The following HYAL4 variants were observed in gnomAD, a reference collection of about 807,000 sequenced individuals.
The protein encoded by HYAL4 is hyaluronidase 4.
A neutral mutation model predicts 35.2 loss-of-function variants in HYAL4; 37 were observed. The ratio of observed to expected loss-of-function variants is 1.05; its 90% CI spans 0.81 to 1.38. The LOEUF (loss-of-function observed/expected upper bound fraction) is 1.38, where lower values mean the gene tolerates loss of function less well. Ranked by LOEUF, HYAL4 falls within the 40% of genes most tolerant of loss-of-function variation. The pLI, the probability that HYAL4 is intolerant of heterozygous loss-of-function variation, is 0.00. For synonymous variants in HYAL4, 198 were observed against 203.2 expected (o/e 0.97, Z 0.22); for missense variants, 572 against 572.4 (o/e 1.00, Z 0.01).
In HYAL4 at chr7:123,845,336, G is replaced by GTAGC. The variant is rs1806153694; in HGVS notation, c.-469_-466dup. The GTAGC allele has an allele frequency of 6.7e-6, 1 of 149,706 alleles. No homozygotes were observed. Among genetic ancestry groups the GTAGC allele is most frequent in the Admixed American group, 6.7e-5 (1 of 14,858 alleles). 9.3% of individuals were successfully genotyped at this position (149,706 alleles called of 1,614,324 possible). A position where few individuals can be genotyped will look rare whatever the true frequency, so the allele number is the denominator to read the frequency against. On this transcript the variant is annotated 5_prime_UTR_variant, in exon 1 of 5. Coordinates refer to ENST00000223026, the MANE Select transcript of HYAL4 (RefSeq NM_012269.3). ...TGATTCTCCTGACTTAACCTCCTGA[G>GTAGC]TAGCTGGGACTACAAGAGCATGCCA...
chr7:123,794,469 T>C, the HYAL4 span, among the ~76,000 whole-genome samples: 1 of 152,124 alleles, frequency 6.6e-6, no homozygotes, highest in Non-Finnish European at 1.5e-5. Flanking sequence ...AGGGAAAAAT[T>C]GTTTCCTGGG....
the HYAL4 span, among the ~76,000 whole-genome samples, chr7:123,805,330 T>A: frequency 1.3e-5 from 2 of 152,202 alleles, no homozygotes; most frequent in African/African-American, 4.8e-5. Flanking sequence ...GCAATAATGT[T>A]GTTGGATATG....
At chr7:123,846,464 C>A (rs1443849508) in intron 1 of HYAL4, among the ~76,000 whole-genome samples, 2 of 152,028 alleles carry the variant, frequency 1.3e-5, no homozygotes, top group Admixed American at 6.5e-5. Flanking sequence ...AGCTCTCATA[C>A]AACCCAAAAG....
At chr7:123,808,418 CGTGTGTGTGTGTGTGTGTGTGTGT>C in the HYAL4 span, among the ~76,000 whole-genome samples, 1 of 142,590 alleles carries the variant, frequency 7.0e-6, no homozygotes, top group African/African-American at 2.6e-5. Flanking sequence ...TGTATCATCA[CGTGTGTGTGTGTGTGTGTGTGTGT>C]GTGTGTGTGT....
intron 2 of HYAL4, among the ~76,000 whole-genome samples, chr7:123,852,406 A>G (rs1011708551): frequency 1.6e-4 from 25 of 152,040 alleles, no homozygotes; most frequent in Non-Finnish European, 3.7e-4. Flanking sequence ...ATCTTGAGTT[A>G]TTTTTTGTAT....
At chr7:123,791,961 A>G in the HYAL4 span, among the ~76,000 whole-genome samples, 1 of 152,194 alleles carries the variant, frequency 6.6e-6, no homozygotes. Flanking sequence ...CTGTGAAACC[A>G]ACTGCAAGGT....
chr7:123,817,636 G>T, the HYAL4 span, among the ~76,000 whole-genome samples: 1 of 149,622 alleles, frequency 6.7e-6, no homozygotes, highest in Non-Finnish European at 1.5e-5. Context: ...TCAGCCTCCT[G>T]AGTAGTTGGG....
the HYAL4 span, among the ~76,000 whole-genome samples, chr7:123,799,155 T>G: frequency 2.0e-5 from 3 of 152,186 alleles, no homozygotes; most frequent in African/African-American, 7.2e-5. Context: ...ACAAACTCTT[T>G]TAGTATTGAT....
chr7:123,800,313 G>T, the HYAL4 span, among the ~76,000 whole-genome samples: 1 of 150,114 alleles, frequency 6.7e-6, no homozygotes. Flanking sequence ...GGGACTACGG[G>T]CACCCGCCAC....
chr7:123,781,141 T>C, the HYAL4 span, among the ~76,000 whole-genome samples: 2 of 44,488 alleles, frequency 4.5e-5, no homozygotes, highest in African/African-American at 1.3e-4. Context: ...GTCTCCTGCC[T>C]GTCCCTGGGC....
chr7:123,838,582 G>C (rs977465788), intron 1 of HYAL4, among the ~76,000 whole-genome samples: 1 of 151,468 alleles, frequency 6.6e-6, no homozygotes, highest in Non-Finnish European at 1.5e-5. Context: ...TTCCTTCATC[G>C]TAACTTTAGA....
At chr7:123,789,308 A>G in the HYAL4 span, among the ~76,000 whole-genome samples, 5 of 152,230 alleles carry the variant, frequency 3.3e-5, no homozygotes, top group Admixed American at 6.5e-5. Context: ...GGAATTGAGC[A>G]TTTCAGCTTA....
chr7:123,868,998 T>G lies in HYAL4; in HGVS notation c.725T>G (p.Val242Gly), dbSNP rs182416394. ...NYSGSCPEDEVLRNNELSWLW... is the reference protein window; with the variant it reads ...NYSGSCPEDEGLRNNELSWLW... ...TCTGGGTCATGCCCAGAAGACGAAG[T>G]CTTGAGGAACAATGAGCTCTCTTGG... Residue 242 changes from valine to glycine, a missense_variant, in exon 3 of 5, where the codon GTC (valine) becomes GGC (glycine). Physicochemically the swap from Val to Gly is moderately radical, Grantham distance 109. Transcript: ENST00000223026. The G allele has an allele frequency of 6.2e-7, 1 of 1,613,890 alleles. No individual in the cohort carries two copies. Among genetic ancestry groups the G allele is most frequent in the Admixed American group, 1.7e-5 (1 of 59,984 alleles).
chr7:123,787,427 G>A, the HYAL4 span, among the ~76,000 whole-genome samples: 5 of 152,116 alleles, frequency 3.3e-5, no homozygotes, highest in African/African-American at 1.2e-4. Context: ...CTGTTTGAAG[G>A]TAGGCTGCCC....
At position 123,867,414 on chromosome 7, in the gene HYAL4, G is replaced by A. The variant is rs114899054; in HGVS notation, c.-51-809G>A. Among the ~76,000 whole-genome samples the A allele has an allele frequency of 4.1e-3, 626 of 152,298 alleles. 5 individuals are homozygous for A. The highest frequency in any genetic ancestry group is 0.014 in the African/African-American group (596 of 41,558). On this transcript the variant is annotated intron_variant, in intron 2 of 4. Transcript: ENST00000223026. ...AATCATGATGAGTGAGGCATCTGGT[G>A]TCTCATTGTTTAGATGTGATAATCT...
the HYAL4 span, among the ~76,000 whole-genome samples, chr7:123,763,910 A>C: frequency 3.3e-5 from 5 of 152,116 alleles, no homozygotes; most frequent in South Asian, 1.0e-3. Flanking sequence ...CTCACACTTT[A>C]TTCCCTCTCC....
intron 1 of HYAL4, among the ~76,000 whole-genome samples, chr7:123,847,126 C>G (rs533045590): frequency 1.3e-5 from 2 of 152,126 alleles, no homozygotes; most frequent in Non-Finnish European, 1.5e-5. Context: ...TCTGTCTGTC[C>G]ACGTGAGAGC....
chr7:123,786,599 T>C, the HYAL4 span, among the ~76,000 whole-genome samples: 1 of 151,976 alleles, frequency 6.6e-6, no homozygotes, highest in African/African-American at 2.4e-5. Flanking sequence ...TGGGGAAACA[T>C]TAAAGTAATC....
chr7:123,812,932 A>G, the HYAL4 span, among the ~76,000 whole-genome samples: 3 of 152,204 alleles, frequency 2.0e-5, no homozygotes, highest in African/African-American at 4.8e-5. Context: ...CACACTCCAC[A>G]TGAAGGCAAT....
Sources: allele counts gnomAD v4.1 joint callset (sites outside exome capture counted in the v4.1 genomes callset), GRCh38; gene constraint gnomAD v4.1.1; transcripts MANE v1.5; gene names NCBI Gene and HGNC (gene_info 2026-07-23, HGNC 2026-07-21).